LDLRAD3: variants seen among roughly 807,000 people sequenced by gnomAD.
LDLRAD3 encodes the protein low density lipoprotein receptor class A domain containing 3.
LDLRAD3 carries 20 observed loss-of-function variants against 29.4 expected under a neutral mutation model. The observed-to-expected ratio is 0.68, with a 90% CI of 0.48 to 0.99. LDLRAD3 has a LOEUF of 0.99. Ranked by LOEUF, LDLRAD3 falls within the 50% of genes least tolerant of loss-of-function variation. LDLRAD3 has a pLI of 0.00. For synonymous variants in LDLRAD3, 157 were observed against 192.7 expected (o/e 0.81, Z 1.53); for missense variants, 420 against 454.3 (o/e 0.92, Z 0.69).
intron 2 of LDLRAD3, among the ~76,000 whole-genome samples, chr11:36,066,730 T>C (rs1303736640): frequency 6.6e-6 from 1 of 152,232 alleles, no homozygotes; most frequent in Non-Finnish European, 1.5e-5. Context: ...TATAGTGTCT[T>C]TCTTTCTAAA....
intron 1 of LDLRAD3, among the ~76,000 whole-genome samples, chr11:36,011,060 C>T (rs1223388795): frequency 6.6e-6 from 1 of 152,228 alleles, no homozygotes; most frequent in Non-Finnish European, 1.5e-5. Flanking sequence ...CTGCCTTGGC[C>T]TCCCAAAGTG....
intron 2 of LDLRAD3, among the ~76,000 whole-genome samples, chr11:36,068,276 G>A (rs932912054): frequency 1.3e-5 from 2 of 152,158 alleles, no homozygotes; most frequent in Non-Finnish European, 2.9e-5. Context: ...TATGTGTAAA[G>A]CAATTTGTAG....
intron 4 of LDLRAD3, among the ~76,000 whole-genome samples, chr11:36,111,847 TCG>T (rs1853610275): frequency 2.6e-5 from 4 of 152,232 alleles, no homozygotes; most frequent in African/African-American, 9.6e-5. Flanking sequence ...TCCACCTGCC[TCG>T]GCCTCCCAAA....
rs1257212990 is a variant in LDLRAD3, at chr11:35,944,900, G to T, written c.46+756G>T. ...CACCGCGTGTGCATCCCGGGGCCTG[G>T]ACCGCAGCAAGCCTCTTTCCCTTCC... On this transcript the variant is annotated intron_variant, in intron 1 of 5. Transcript: ENST00000315571. This position sits in a 1 kb window ranked among gnomAD's most constrained non-coding sequence, Gnocchi z 4.9. Among the ~76,000 whole-genome samples the T allele has an allele frequency of 1.3e-5, 2 of 152,156 alleles. No individual in the cohort carries two copies. The highest frequency in any genetic ancestry group is 2.9e-5 in the Non-Finnish European group (2 of 68,030).
At position 36,231,976 on chromosome 11, in the gene LDLRAD3, A is replaced by G. The variant is rs1007781937; in HGVS notation, c.*2579A>G. 1.1e-4 allele frequency: 16 copies of G among 152,242 alleles called. No individual in the cohort carries two copies. The highest frequency in any genetic ancestry group is 3.6e-4 in the African/African-American group (15 of 41,460). 9.4% of individuals were successfully genotyped at this position (152,242 alleles called of 1,614,324 possible). ...CTGACTCAGCTCCCTCTACCTTGAA[A>G]TTGACATTTTTAAAAAATGCAACTA... On this transcript the variant is annotated 3_prime_UTR_variant, in exon 6 of 6. Coordinates refer to ENST00000315571, the MANE Select transcript of LDLRAD3 (RefSeq NM_174902.4).
intron 4 of LDLRAD3, among the ~76,000 whole-genome samples, chr11:36,211,614 A>G (rs1297014097): frequency 6.6e-6 from 1 of 152,212 alleles, no homozygotes; most frequent in Admixed American, 6.5e-5. Flanking sequence ...GGAAAAGGAA[A>G]GGAAGGAACC....
At chr11:36,021,511 G>A (rs993199627) in intron 1 of LDLRAD3, among the ~76,000 whole-genome samples, 2 of 152,180 alleles carry the variant, frequency 1.3e-5, no homozygotes, top group African/African-American at 4.8e-5. Flanking sequence ...AGGAAGAGAT[G>A]GAAAATTAAC....
intron 1 of LDLRAD3, among the ~76,000 whole-genome samples, chr11:35,964,222 G>C (rs1851311555): frequency 6.6e-6 from 1 of 152,204 alleles, no homozygotes; most frequent in Non-Finnish European, 1.5e-5. Flanking sequence ...GGTGCTTACT[G>C]TGTCCCAGGC....
chr11:36,203,852 T>C (rs927259391), intron 4 of LDLRAD3, among the ~76,000 whole-genome samples: 6 of 152,152 alleles, frequency 3.9e-5, no homozygotes, highest in African/African-American at 1.2e-4. Flanking sequence ...GTGACTTTCT[T>C]TGGTTTGGGA....
At chr11:35,988,430 CT>C (rs1053640168) in intron 1 of LDLRAD3, among the ~76,000 whole-genome samples, 4 of 152,056 alleles carry the variant, frequency 2.6e-5, no homozygotes, top group African/African-American at 9.7e-5. Flanking sequence ...TTGATTTTTG[CT>C]TTTCGAATTA....
chr11:36,102,431 C>A (rs931978490), intron 4 of LDLRAD3, among the ~76,000 whole-genome samples: 7 of 152,118 alleles, frequency 4.6e-5, no homozygotes, highest in Non-Finnish European at 8.8e-5. Context: ...AATTCTCTTC[C>A]AATTTGACTA....
At position 36,081,725 on chromosome 11, in the gene LDLRAD3, T is replaced by C; in HGVS notation, c.266T>C (p.Phe89Ser). 6.2e-7 allele frequency: 1 copy of C among 1,614,214 alleles called. No homozygotes were observed. Among genetic ancestry groups the C allele is most frequent in the Middle Eastern group, 1.6e-4 (1 of 6,062 alleles). ...GGCATCCATTGCATCATTGGTCGCT[T>C]CCGGTGCAATGGGTTTGAGGACTGT... is the stretch of plus-strand genomic sequence containing the variant. ...ASGIHCIIGR[F>S]RCNGFEDCPD... Residue 89 changes from phenylalanine to serine, a missense_variant, in exon 3 of 6, where the codon TTC becomes TCC. Physicochemically the swap from Phe to Ser is radical, Grantham distance 155. This residue lies in a region of LDLRAD3 where 224 missense variants were observed against 222.2 expected (regional missense o/e 1.01). Transcript: ENST00000315571.
At chr11:36,085,887 G>A (rs189661902) in intron 3 of LDLRAD3, among the ~76,000 whole-genome samples, 38 of 152,126 alleles carry the variant, frequency 2.5e-4, no homozygotes, top group African/African-American at 8.9e-4. Context: ...CCAAAGTGCT[G>A]GGATTATAAG....
At chr11:36,103,416 T>G (rs1225930915) in intron 4 of LDLRAD3, among the ~76,000 whole-genome samples, 1 of 152,030 alleles carries the variant, frequency 6.6e-6, no homozygotes, top group African/African-American at 2.4e-5. Context: ...TTTTTTGTAT[T>G]TTTTAGTAGA....
intron 2 of LDLRAD3, among the ~76,000 whole-genome samples, chr11:36,072,288 G>A (rs1852918569): frequency 6.6e-6 from 1 of 152,202 alleles, no homozygotes; most frequent in Non-Finnish European, 1.5e-5. Context: ...GGCTGTTCTG[G>A]TGGAACAGAG....
At chr11:36,190,365 C>T (rs903070648) in intron 4 of LDLRAD3, among the ~76,000 whole-genome samples, 18 of 151,964 alleles carry the variant, frequency 1.2e-4, no homozygotes, top group African/African-American at 2.2e-4. Flanking sequence ...TTGGGTGTGG[C>T]GGCACATGCC....
At chr11:36,030,627 A>G (rs1852224838) in intron 1 of LDLRAD3, among the ~76,000 whole-genome samples, 1 of 152,160 alleles carries the variant, frequency 6.6e-6, no homozygotes, top group Non-Finnish European at 1.5e-5. Context: ...ACCAAATGCT[A>G]AGCCGTATGT....
At chr11:36,044,530 C>T (rs1852422619) in intron 2 of LDLRAD3, among the ~76,000 whole-genome samples, 1 of 152,216 alleles carries the variant, frequency 6.6e-6, no homozygotes, top group Non-Finnish European at 1.5e-5. Context: ...CTCCGCTTCC[C>T]CTTCCCACGC....
At chr11:36,222,469 A>C (rs955567923) in intron 4 of LDLRAD3, among the ~76,000 whole-genome samples, 7 of 152,242 alleles carry the variant, frequency 4.6e-5, no homozygotes, top group African/African-American at 1.7e-4. Context: ...TTACCCTCCC[A>C]CTAGCCATGC....
Sources: allele counts gnomAD v4.1 joint callset (sites outside exome capture counted in the v4.1 genomes callset), GRCh38; gene constraint gnomAD v4.1.1; regional missense constraint gnomAD v4.1.1; non-coding constraint Gnocchi (gnomAD v3.1); transcripts MANE v1.5; gene names NCBI Gene and HGNC (gene_info 2026-07-23, HGNC 2026-07-21).